The following SYNPR variants were observed in gnomAD, a reference collection of about 807,000 sequenced individuals.
SYNPR encodes the protein synaptoporin.
Under a neutral mutation model 32.9 loss-of-function variants are expected in SYNPR, and 23 were observed. That is an observed-to-expected ratio of 0.70 (90% confidence interval 0.50 to 0.99). SYNPR has a LOEUF of 0.99. Ranked by LOEUF, SYNPR falls within the 50% of genes least tolerant of loss-of-function variation. The pLI, the probability that SYNPR is intolerant of heterozygous loss-of-function variation, is 0.00. For missense variants in SYNPR, 318 were observed against 349.3 expected (o/e 0.91, Z 0.71); for synonymous variants, 146 against 135.9 (o/e 1.07, Z -0.52).
chr3:63,570,109 A>G (rs2106845430), intron 4 of SYNPR, among the ~76,000 whole-genome samples: 1 of 152,268 alleles, frequency 6.6e-6, no homozygotes, highest in East Asian at 1.9e-4. Flanking sequence ...ACCAAACTAC[A>G]TGGGATTTGT....
At chr3:63,528,633 A>T (rs78816682) in intron 3 of SYNPR, among the ~76,000 whole-genome samples, 2 of 150,410 alleles carry the variant, frequency 1.3e-5, no homozygotes, top group South Asian at 2.1e-4. Flanking sequence ...AAGAAGATGC[A>T]TTTTTTTTTT....
Position 63,379,635 on chromosome 3 carries a change from ATTCT to A in SYNPR, c.84+100904_84+100907del, listed in dbSNP as rs1414157814. 4.6e-5 allele frequency among the ~76,000 whole-genome samples: 7 copies of A among 151,232 alleles called. No individual in the cohort carries two copies. The South Asian group carries it at 1.5e-3, about 32-fold the overall frequency. On this transcript the variant is annotated intron_variant, in intron 2 of 5. Transcript: ENST00000478300. ...TACTTTATCTCATTTTAATATTGCT[ATTCT>A]TTCTTTCTTTTGATTACTGTTTGTA...
At chr3:63,479,446 G>GCGTGCGCACACACACA (rs6147854) in intron 2 of SYNPR, among the ~76,000 whole-genome samples, 1 of 135,742 alleles carries the variant, frequency 7.4e-6, no homozygotes, top group Non-Finnish European at 1.6e-5. Flanking sequence ...CCACACACAT[G>GCGTGCGCACACACACA]CACACACACA....
At chr3:63,376,774 T>C (rs2087901136) in intron 2 of SYNPR, among the ~76,000 whole-genome samples, 1 of 152,136 alleles carries the variant, frequency 6.6e-6, no homozygotes, top group Non-Finnish European at 1.5e-5. Flanking sequence ...CCTGTCTCTA[T>C]CATTTTCTTT....
Position 63,278,327 on chromosome 3 carries a change from C to T in SYNPR, c.-207C>T, listed in dbSNP as rs1461607685. 3 of 619,382 alleles carry T rather than the reference C, an allele frequency of 4.8e-6. No homozygotes were observed. Among genetic ancestry groups the T allele is most frequent in the Non-Finnish European group, 8.4e-6 (3 of 356,272 alleles). The allele number at this position is 619,382 out of a possible 1,614,324, so 38.4% of individuals were successfully genotyped here. On this transcript the variant is annotated 5_prime_UTR_variant, in exon 1 of 6. Transcript: ENST00000478300. The stretch of plus-strand genomic sequence containing the variant: ...CTGCCCACCCCTCGCTGACTCGCTT[C>T]GCTTCCCCGACGCGCTGGGTTCCCG...
chr3:63,565,811 A>G (rs544523215), intron 4 of SYNPR, among the ~76,000 whole-genome samples: 1 of 152,214 alleles, frequency 6.6e-6, no homozygotes, highest in African/African-American at 2.4e-5. Context: ...TCTCTGAATA[A>G]TTCTACTTAT....
In SYNPR at chr3:63,425,692, C is replaced by T. The variant is rs186513314; in HGVS notation, c.85-55140C>T. Among the ~76,000 whole-genome samples the T allele has an allele frequency of 5.2e-4, 79 of 152,026 alleles. 1 individual carries two copies. Among genetic ancestry groups the T allele is most frequent in the Middle Eastern group, 6.8e-3 (2 of 294 alleles). ...AGGCAGGTTACTTAATCTCTCTGAA[C>T]CGCAGTATTCAGATATGTGAAACAG... On this transcript the variant is annotated intron_variant, in intron 2 of 5. Transcript: ENST00000478300.
intron 5 of SYNPR, chr3:63,610,500 A>G: frequency 1.4e-6 from 1 of 699,748 alleles, no homozygotes; most frequent in South Asian, 1.5e-5. Flanking sequence ...CTGCGAAGGC[A>G]CTTAAGAAGA....
intron 2 of SYNPR, among the ~76,000 whole-genome samples, chr3:63,304,026 T>C (rs1575591903): frequency 6.6e-6 from 1 of 152,028 alleles, no homozygotes. Context: ...CCTTGAGACA[T>C]CACATGAATT....
intron 2 of SYNPR, among the ~76,000 whole-genome samples, chr3:63,349,891 T>C (rs761066661): frequency 1.3e-5 from 2 of 152,224 alleles, no homozygotes; most frequent in Non-Finnish European, 2.9e-5. Context: ...CTTTTATTTT[T>C]GTCTTTTTAA....
chr3:63,254,134 C>T (rs2106892177), intron 2 of SYNPR, among the ~76,000 whole-genome samples: 1 of 152,014 alleles, frequency 6.6e-6, no homozygotes, highest in South Asian at 2.1e-4. Flanking sequence ...CACATGGACA[C>T]AGGAAGGGGA....
At chr3:63,502,898 C>T (rs1054800369) in intron 3 of SYNPR, among the ~76,000 whole-genome samples, 1 of 152,050 alleles carries the variant, frequency 6.6e-6, no homozygotes, top group Non-Finnish European at 1.5e-5. Context: ...AAGTTGCTTC[C>T]GAGTCTCTAG....
chr3:63,511,848 T>G (rs555309240), intron 3 of SYNPR, among the ~76,000 whole-genome samples: 1 of 152,180 alleles, frequency 6.6e-6, no homozygotes, highest in Non-Finnish European at 1.5e-5. Context: ...TTACTTTTTA[T>G]GCTGTAGTCT....
chr3:63,381,491 T>C (rs947268340), intron 2 of SYNPR, among the ~76,000 whole-genome samples: 2 of 152,344 alleles, frequency 1.3e-5, no homozygotes, highest in South Asian at 2.1e-4. Flanking sequence ...AGGTAATTTA[T>C]AGATTCAATG....
chr3:63,260,970 C>T (rs1427037280), intron 2 of SYNPR, among the ~76,000 whole-genome samples: 2 of 152,074 alleles, frequency 1.3e-5, no homozygotes, highest in Non-Finnish European at 2.9e-5. Flanking sequence ...AAAAAATGCT[C>T]ATCATCACTG....
chr3:63,482,162 T>C (rs1272475449), intron 3 of SYNPR, among the ~76,000 whole-genome samples: 1 of 152,130 alleles, frequency 6.6e-6, no homozygotes, highest in Admixed American at 6.5e-5. Flanking sequence ...AAGGATACAA[T>C]GTGAGAAGAC....
intron 2 of SYNPR, among the ~76,000 whole-genome samples, chr3:63,313,960 CAT>C (rs58679973): frequency 7.4e-3 from 12 of 1,620 alleles, no homozygotes; most frequent in Non-Finnish European, 9.7e-3. Flanking sequence ...TATATATATC[CAT>C]ATATATATAT....
chr3:63,542,830 A>G (rs1329164323), intron 3 of SYNPR, among the ~76,000 whole-genome samples: 1 of 152,120 alleles, frequency 6.6e-6, no homozygotes, highest in African/African-American at 2.4e-5. Context: ...ATACCTATGT[A>G]AAATGGTGAA....
At chr3:63,408,209 G>T (rs1326755491) in intron 2 of SYNPR, among the ~76,000 whole-genome samples, 5 of 70,002 alleles carry the variant, frequency 7.1e-5, no homozygotes, top group Non-Finnish European at 1.1e-4. Flanking sequence ...AGGAAGGAAG[G>T]AAGGAAGGAA....
Sources: allele counts gnomAD v4.1 joint callset (sites outside exome capture counted in the v4.1 genomes callset), GRCh38; gene constraint gnomAD v4.1.1; transcripts MANE v1.5; gene names NCBI Gene and HGNC (gene_info 2026-07-23, HGNC 2026-07-21).